PTPRR: variants seen among roughly 807,000 people sequenced by gnomAD.
PTPRR encodes protein tyrosine phosphatase receptor type R, also known as receptor-type tyrosine-protein phosphatase R.
A neutral mutation model predicts 77.2 loss-of-function variants in PTPRR; 38 were observed. The ratio of observed to expected loss-of-function variants is 0.49; its 90% confidence interval spans 0.38 to 0.65. PTPRR has a LOEUF of 0.65. Among genes scored for constraint, PTPRR ranks in the 30% least tolerant of loss-of-function variants. The pLI, the probability that PTPRR is intolerant of heterozygous loss-of-function variation, is 0.00. For missense variants in PTPRR, 744 were observed against 799.2 expected, an observed-to-expected ratio of 0.93 and a Z score of 0.83; for synonymous variants, 299 against 283.1, an observed-to-expected ratio of 1.06 and a Z score of -0.57.
chr12:70,661,719 G>A (rs1886806022), intron 11 of PTPRR, among the ~76,000 whole-genome samples: 1 of 152,084 alleles, frequency 6.6e-6, no homozygotes. Flanking sequence ...AATAAGTTTT[G>A]GTAAATGCCT....
intron 2 of PTPRR, among the ~76,000 whole-genome samples, chr12:70,873,319 A>C (rs950102831): frequency 1.3e-5 from 2 of 152,150 alleles, no homozygotes; most frequent in African/African-American, 4.8e-5. Context: ...GGGTGATGGA[A>C]CCCTGAGAGA....
intron 13 of PTPRR, among the ~76,000 whole-genome samples, chr12:70,647,201 C>A (rs1274207229): frequency 3.9e-5 from 6 of 151,962 alleles, no homozygotes; most frequent in Non-Finnish European, 7.4e-5. Context: ...AAAAAAAAGG[C>A]CTTGGAATAA....
intron 2 of PTPRR, among the ~76,000 whole-genome samples, chr12:70,823,324 A>G (rs538637681): frequency 1.2e-3 from 189 of 152,316 alleles, no homozygotes; most frequent in Non-Finnish European, 2.4e-3. Context: ...CAGAGCAGTG[A>G]CAGAAATATC....
chr12:70,832,156 G>A (rs76586822), intron 2 of PTPRR, among the ~76,000 whole-genome samples: 4,307 of 152,308 alleles, frequency 0.028, 88 homozygotes, highest in Non-Finnish European at 0.041. Flanking sequence ...TGGACGCTCT[G>A]TGATGCATTA....
intron 2 of PTPRR, among the ~76,000 whole-genome samples, chr12:70,794,037 C>T (rs958782863): frequency 5.3e-5 from 8 of 152,106 alleles, no homozygotes; most frequent in Non-Finnish European, 8.8e-5. Flanking sequence ...AACCACATTT[C>T]TTTACTAATG....
Position 70,811,914 on chromosome 12 carries a change from A to T in PTPRR, c.358-47136T>A, listed in dbSNP as rs915497786. Among the ~76,000 whole-genome samples, 130 of 152,266 alleles carry T rather than the reference A, an allele frequency of 8.5e-4. 2 individuals carry two copies. Among genetic ancestry groups the T allele is most frequent in the Non-Finnish European group, 1.2e-4 (8 of 68,008 alleles). ...ATTCCAAAGCAGCCAATTAAGCAAA[A>T]TTTTAATGATGTCATCTAGCACTGA... On this transcript the variant is annotated intron_variant, in intron 2 of 13. Coordinates refer to ENST00000283228, the MANE Select transcript of PTPRR (RefSeq NM_002849.4).
intron 5 of PTPRR, among the ~76,000 whole-genome samples, chr12:70,752,672 C>G (rs1179771881): frequency 6.6e-6 from 1 of 152,146 alleles, no homozygotes; most frequent in Non-Finnish European, 1.5e-5. Context: ...ATCCATTGAT[C>G]CCCTGAATAT....
intron 3 of PTPRR, among the ~76,000 whole-genome samples, chr12:70,763,379 C>T (rs945050068): frequency 2.0e-5 from 3 of 152,142 alleles, no homozygotes; most frequent in Non-Finnish European, 2.9e-5. Context: ...GTTATCCACC[C>T]TCCTGGCCTC....
At chr12:70,759,819 G>A (rs962372596) in intron 4 of PTPRR, among the ~76,000 whole-genome samples, 1 of 151,660 alleles carries the variant, frequency 6.6e-6, no homozygotes, top group East Asian at 1.9e-4. Context: ...AACTAGGAAA[G>A]TGTTGTTCAA....
intron 8 of PTPRR, among the ~76,000 whole-genome samples, chr12:70,692,047 A>G (rs541631733): frequency 1.3e-5 from 2 of 152,330 alleles, no homozygotes; most frequent in East Asian, 3.9e-4. Context: ...AAATTAAGTC[A>G]TCTTTTACAA....
At chr12:70,919,688 T>TG (rs1893826337) in intron 1 of PTPRR, among the ~76,000 whole-genome samples, 1 of 135,628 alleles carries the variant, frequency 7.4e-6, no homozygotes, top group Non-Finnish European at 1.6e-5. Flanking sequence ...TTTTTTTTTT[T>TG]TTTTTTTTTT....
intron 3 of PTPRR, among the ~76,000 whole-genome samples, chr12:70,762,638 C>G (rs1482804948): frequency 6.6e-6 from 1 of 152,182 alleles, no homozygotes; most frequent in Non-Finnish European, 1.5e-5. Flanking sequence ...TGTGTTGTGC[C>G]TAACATGCTA....
intron 6 of PTPRR, among the ~76,000 whole-genome samples, chr12:70,720,195 A>T (rs1158937900): frequency 6.6e-6 from 1 of 152,218 alleles, no homozygotes; most frequent in African/African-American, 2.4e-5. Context: ...GGAAGCAGGA[A>T]ATAGAAACAA....
At chr12:70,762,546 A>C (rs1226316748) in intron 3 of PTPRR, among the ~76,000 whole-genome samples, 1 of 152,206 alleles carries the variant, frequency 6.6e-6, no homozygotes, top group Non-Finnish European at 1.5e-5. Context: ...AACAGACAAT[A>C]ACTAAATACT....
intron 2 of PTPRR, among the ~76,000 whole-genome samples, chr12:70,809,777 C>T (rs150457954): frequency 7.2e-4 from 110 of 152,202 alleles, no homozygotes; most frequent in African/African-American, 2.5e-3. Context: ...TCTATCAATA[C>T]GAACAATTCA....
rs58439089 is a variant in PTPRR, at chr12:70,919,673, GTTTTTTTTTTTTTTT to G, written c.58+645_58+659del. Among the ~76,000 whole-genome samples the G allele has an allele frequency of 2.1e-3, 226 of 110,080 alleles. 3 individuals are homozygous for G. The highest frequency in any genetic ancestry group is 6.0e-3 in the Middle Eastern group (1 of 168). The allele number at this position is 110,080 out of a possible 152,430, so 72.2% of individuals were successfully genotyped here. A position where few individuals can be genotyped will look rare whatever the true frequency, so the allele number is the denominator to read the frequency against. ...GGTTGTCAGCTTTGGAACTGTAATTGTTTTTTTTTTTTTTTTTTTTTTTTTTTTTTTTAATATGCC... is the reference window on the plus strand; with the variant it reads ...GGTTGTCAGCTTTGGAACTGTAATTGTTTTTTTTTTTTTTTTTAATATGCC... On this transcript the variant is annotated intron_variant, in intron 1 of 13. Transcript: ENST00000283228.
intron 2 of PTPRR, among the ~76,000 whole-genome samples, chr12:70,851,825 T>C (rs1892576298): frequency 6.6e-6 from 1 of 152,230 alleles, no homozygotes; most frequent in South Asian, 2.1e-4. Flanking sequence ...AAGTACACGC[T>C]GGAATTATGT....
At chr12:70,841,726 C>A (rs1035758947) in intron 2 of PTPRR, among the ~76,000 whole-genome samples, 8 of 44,904 alleles carry the variant, frequency 1.8e-4, no homozygotes, top group African/African-American at 4.5e-4. Context: ...GTAAAGACAT[C>A]ATTTTCCTAA....
intron 4 of PTPRR, among the ~76,000 whole-genome samples, chr12:70,755,851 A>G (rs1455517653): frequency 1.3e-5 from 2 of 152,146 alleles, no homozygotes; most frequent in East Asian, 1.9e-4. Flanking sequence ...GACGTCAGCC[A>G]TATCGTTTTT....
Sources: allele counts gnomAD v4.1 joint callset (sites outside exome capture counted in the v4.1 genomes callset), GRCh38; gene constraint gnomAD v4.1.1; transcripts MANE v1.5; gene names NCBI Gene and HGNC (gene_info 2026-07-23, HGNC 2026-07-21).